The following KIN variants were observed in gnomAD, a reference collection of about 807,000 sequenced individuals.
The protein encoded by KIN is Kin17 DNA and RNA binding protein.
In KIN, 47 loss-of-function variants were observed where a neutral mutation model predicts 63.0. That is an observed-to-expected ratio of 0.75 (90% CI 0.59 to 0.95). The LOEUF (loss-of-function observed/expected upper bound fraction) is 0.95. Among genes scored for constraint, KIN ranks in the 40% least tolerant of loss-of-function variants. The pLI is 0.00. For missense variants in KIN, 408 were observed against 460.9 expected, an observed-to-expected ratio of 0.89 and a Z score of 1.05; for synonymous variants, 160 against 157.7, an observed-to-expected ratio of 1.01 and a Z score of -0.11.
intron 10 of KIN, among the ~76,000 whole-genome samples, 171 bp from the exon 11 acceptor site, chr10:7,762,727 T>C (rs1835461241): frequency 6.6e-6 from 1 of 152,134 alleles, no homozygotes; most frequent in Non-Finnish European, 1.5e-5. Flanking sequence ...CAGTCTATGG[T>C]TCTCAATAAA....
chr10:7,774,750 T>C, intron 7 of KIN, 81 bp downstream of exon 7: 1 of 1,108,664 alleles, frequency 9.0e-7, no homozygotes, highest in Non-Finnish European at 1.3e-6. Flanking sequence ...AAAAAAATGA[T>C]TCACAATACT....
chr10:7,772,178 G>C (rs1440699752), intron 7 of KIN, among the ~76,000 whole-genome samples: 3 of 152,092 alleles, frequency 2.0e-5, no homozygotes, highest in African/African-American at 7.2e-5. Flanking sequence ...AAAAATTCGA[G>C]GTCATCTTAG....
chr10:7,787,558 T>C (rs1836049236), intron 1 of KIN, among the ~76,000 whole-genome samples: 1 of 152,232 alleles, frequency 6.6e-6, no homozygotes, highest in Non-Finnish European at 1.5e-5. Context: ...AAACCTTTTC[T>C]GATTTCATTT....
rs532071839 is a variant in KIN, at chr10:7,756,285, T to A, written c.1120-143A>T. ...GATTGTTAACATTTGTATACATCTA[T>A]GAATTTTAAGAATAATCTATGGCAT... On this transcript the variant is annotated intron_variant, in intron 12 of 12. Transcript: ENST00000379562. 4.6e-4 allele frequency: 227 copies of A among 489,786 alleles called. 1 individual carries two copies. Among genetic ancestry groups the A allele is most frequent in the African/African-American group, 4.1e-3 (206 of 50,708 alleles). The allele number at this position is 489,786 out of a possible 1,614,324, so 30.3% of individuals were successfully genotyped here. A position where few individuals can be genotyped will look rare whatever the true frequency, so the allele number is the denominator to read the frequency against.
intron 10 of KIN, 47 bp from the exon 11 acceptor site, chr10:7,762,603 A>G: frequency 9.4e-7 from 1 of 1,064,316 alleles, no homozygotes; most frequent in Non-Finnish European, 1.4e-6. Flanking sequence ...ATATGTGCAC[A>G]CTCATTTAAA....
At chr10:7,770,943 A>G (rs955492403) in intron 7 of KIN, among the ~76,000 whole-genome samples, 1 of 152,060 alleles carries the variant, frequency 6.6e-6, no homozygotes, top group African/African-American at 2.4e-5. Context: ...GGACTCTGTC[A>G]CTCTGTTTTT....
chr10:7,768,147 T>C (rs1301772627), intron 8 of KIN, among the ~76,000 whole-genome samples: 1 of 152,158 alleles, frequency 6.6e-6, no homozygotes, highest in Non-Finnish European at 1.5e-5. Context: ...AGCCCAAGTA[T>C]GGCCCTAAAT....
rs1199900275 is a variant in KIN at position 7,754,290 on chromosome 10, G to A, written c.*1790C>T. ...GACGAGGCTGCAGTGAGCCATGATT[G>A]TGCCACTGCACTCCAGGCTGGATGA... is the stretch of plus-strand genomic sequence containing the variant. On this transcript the variant is annotated 3_prime_UTR_variant, in exon 13 of 13. Transcript: ENST00000379562. The A allele has an allele frequency of 1.5e-5, 5 of 339,388 alleles. No individual in the cohort carries two copies. Among genetic ancestry groups the A allele is most frequent in the African/African-American group, 2.2e-5 (1 of 45,640 alleles). The allele number at this position is 339,388 out of a possible 1,614,324, so 21.0% of individuals were successfully genotyped here. A position where few individuals can be genotyped will look rare whatever the true frequency, so the allele number is the denominator to read the frequency against.
intron 2 of KIN, among the ~76,000 whole-genome samples, chr10:7,781,750 C>CAAAAAAAAAAA (rs34969604): frequency 1.5e-5 from 1 of 67,998 alleles, no homozygotes; most frequent in Non-Finnish European, 2.8e-5. Flanking sequence ...AAGACCCTGT[C>CAAAAAAAAAAA]AAAAAAAAAA....
At chr10:7,757,184 A>G (rs757745614) in intron 12 of KIN, among the ~76,000 whole-genome samples, 55 of 152,308 alleles carry the variant, frequency 3.6e-4, no homozygotes, top group Non-Finnish European at 6.0e-4. Context: ...AACTCTAATT[A>G]TTATTTAATC....
chr10:7,776,513 G>A (rs982696751), intron 5 of KIN, among the ~76,000 whole-genome samples: 1 of 150,642 alleles, frequency 6.6e-6, no homozygotes, highest in Non-Finnish European at 1.5e-5. Context: ...CTTCACTCCA[G>A]GCTGGGTGAA....
In KIN at chr10:7,782,688, C is replaced by A. The variant is rs749919629; in HGVS notation, c.209+393G>T. 2.0e-5 allele frequency among the ~76,000 whole-genome samples: 3 copies of A among 152,054 alleles called. No homozygotes were observed. The South Asian group carries it at 6.2e-4, about 32-fold the overall frequency. On this transcript the variant is annotated intron_variant, in intron 2 of 12. Transcript: ENST00000379562. ...CTGGGATTACAGGTGTGAGCCACCT[C>A]GCCTGGCTTCTTAGTGCCATTTTAG... is the stretch of plus-strand genomic sequence containing the variant.
Position 7,755,142 on chromosome 10 carries a change from G to A in KIN, c.*938C>T, listed in dbSNP as rs1835309568. The A allele has an allele frequency of 6.6e-6, 1 of 152,226 alleles. No individual in the cohort carries two copies. Among genetic ancestry groups the A allele is most frequent in the Admixed American group, 6.5e-5 (1 of 15,272 alleles). The allele number at this position is 152,226 out of a possible 1,614,324, so 9.4% of individuals were successfully genotyped here. A position where few individuals can be genotyped will look rare whatever the true frequency, so the allele number is the denominator to read the frequency against. On this transcript the variant is annotated 3_prime_UTR_variant, in exon 13 of 13. Transcript: ENST00000379562. Reference sequence around the variant, plus strand: ...ACTGTAAAATGGTATAGCTGCTCTGGAAGAGTTTGGCAGAAGCGAAAGCTT... The same window carrying A: ...ACTGTAAAATGGTATAGCTGCTCTGAAAGAGTTTGGCAGAAGCGAAAGCTT...
rs1835262737 is a variant in KIN, at chr10:7,752,771, AC to A, written c.*3308del. 6.6e-6 allele frequency: 1 copy of A among 152,196 alleles called. No individual in the cohort carries two copies. Among genetic ancestry groups the A allele is most frequent in the African/African-American group, 2.4e-5 (1 of 41,438 alleles). 9.4% of individuals were successfully genotyped at this position (152,196 alleles called of 1,614,324 possible). On this transcript the variant is annotated 3_prime_UTR_variant, in exon 13 of 13. Transcript: ENST00000379562. ...GAGCCACAAAAACCTAACCAAAACA[AC>A]ATGGAGGAACCTTACATGCATATGT...
chr10:7,769,399 T>C, intron 7 of KIN, 54 bp from the exon 8 acceptor site: 2 of 1,548,230 alleles, frequency 1.3e-6, no homozygotes, highest in Non-Finnish European at 1.7e-6. Flanking sequence ...AGACGAATGC[T>C]TTACGATGTG....
At chr10:7,757,359 C>T (rs751085449) in intron 12 of KIN, among the ~76,000 whole-genome samples, 35 of 151,866 alleles carry the variant, frequency 2.3e-4, no homozygotes, top group Non-Finnish European at 4.4e-4. Flanking sequence ...ATTAGCTGGG[C>T]ATGGTGGCAC....
intron 11 of KIN, among the ~76,000 whole-genome samples, chr10:7,760,680 C>T (rs931917680): frequency 2.0e-5 from 3 of 152,040 alleles, no homozygotes; most frequent in Non-Finnish European, 2.9e-5. Context: ...ATTATAATTG[C>T]TCTATTTTAT....
In KIN at chr10:7,755,395, A is replaced by C. The variant is rs1835314194; in HGVS notation, c.*685T>G. The C allele has an allele frequency of 6.6e-6, 1 of 152,268 alleles. No individual in the cohort carries two copies. Among genetic ancestry groups the C allele is most frequent in the African/African-American group, 2.4e-5 (1 of 41,478 alleles). 9.4% of individuals were successfully genotyped at this position (152,268 alleles called of 1,614,324 possible). A position where few individuals can be genotyped will look rare whatever the true frequency, so the allele number is the denominator to read the frequency against. ...GCTAAGTGTAAGAAGCCAGTCATAA[A>C]AGATCACATATTATATGATTCCATT... On this transcript the variant is annotated 3_prime_UTR_variant, in exon 13 of 13. Coordinates refer to ENST00000379562, the MANE Select transcript of KIN (RefSeq NM_012311.4).
At position 7,755,129 on chromosome 10, in the gene KIN, T is replaced by C. The variant is rs1462950176; in HGVS notation, c.*951A>G. The C allele has an allele frequency of 2.0e-5, 3 of 152,218 alleles. No homozygotes were observed. The highest frequency in any genetic ancestry group is 3.8e-4 in the East Asian group (2 of 5,202). 9.4% of individuals were successfully genotyped at this position (152,218 alleles called of 1,614,324 possible). On this transcript the variant is annotated 3_prime_UTR_variant, in exon 13 of 13. Coordinates refer to ENST00000379562, the MANE Select transcript of KIN (RefSeq NM_012311.4). ...CATTGCTGGTAGGACTGTAAAATGG[T>C]ATAGCTGCTCTGGAAGAGTTTGGCA...
Sources: gnomAD v4.1 joint callset for allele counts (sites outside exome capture counted in the v4.1 genomes callset) on GRCh38, gnomAD v4.1.1 for gene constraint, MANE v1.5 for transcripts, NCBI Gene and HGNC (gene_info 2026-07-23, HGNC 2026-07-21) for gene names.